The following JAK3 variants were observed in gnomAD, a reference collection of about 807,000 sequenced individuals.
JAK3 encodes the protein tyrosine-protein kinase JAK3.
In JAK3, 88 loss-of-function variants were observed where a neutral mutation model predicts 120.8. The observed-to-expected ratio is 0.73, with a 90% CI of 0.61 to 0.87. The LOEUF (loss-of-function observed/expected upper bound fraction) is 0.87. Ranked by LOEUF, JAK3 falls within the 40% of genes least tolerant of loss-of-function variation. The pLI is 0.00. For missense variants in JAK3, 1,254 were observed against 1,501.4 expected (o/e 0.84, Z 2.72); for synonymous variants, 592 against 628.6 (o/e 0.94, Z 0.87).
rs1156896790 is a variant in JAK3, at chr19:17,831,014, G to A, written c.2978+214C>T. Among the ~76,000 whole-genome samples, 1 of 150,786 alleles carries A rather than the reference G, an allele frequency of 6.6e-6. No individual in the cohort carries two copies. Among genetic ancestry groups the A allele is most frequent in the Non-Finnish European group, 1.5e-5 (1 of 67,612 alleles). On this transcript the variant is annotated intron_variant, in intron 21 of 23. Transcript: ENST00000458235. The surrounding 1 kb of genome is among the most constrained non-coding windows in gnomAD (Gnocchi z 5.1). ...AGAGCTGAGAGAAGGGCGGGGCTAA[G>A]GCTGGGGGCCGCTGACAGCAGGGCA...
At chr19:17,846,466 G>C (rs1008357638) in intron 1 of JAK3, among the ~76,000 whole-genome samples, 2 of 152,170 alleles carry the variant, frequency 1.3e-5, no homozygotes, top group African/African-American at 4.8e-5. Context: ...GGGAACCTTG[G>C]AGGAGCCCCA....
Position 17,831,700 on chromosome 19 carries a change from G to C in JAK3, c.2779C>G (p.Leu927Val). 2 of 1,610,114 alleles carry C rather than the reference G, an allele frequency of 1.2e-6. No homozygotes were observed. Among genetic ancestry groups the C allele is most frequent in the Non-Finnish European group, 1.7e-6 (2 of 1,178,838 alleles). Residue 927 changes from leucine (L) to valine (V), a missense_variant, in exon 20 of 24, where the codon CTT becomes GTT. By Grantham distance (32) the Leu-to-Val change is conservative. Transcript: ENST00000458235. This position sits in a 1 kb window ranked among gnomAD's most constrained non-coding sequence, Gnocchi z 5.1. Reference sequence around the variant, plus strand: ...TTGCAGATCTGCGAGGAATAGAGAAGGAGGCGGCTGGCATCGAGGCGCGCG... The same window carrying C: ...TTGCAGATCTGCGAGGAATAGAGAACGAGGCGGCTGGCATCGAGGCGCGCG... Reference protein sequence around the residue: ...HRARLDASRLLLYSSQICKGM... With the variant: ...HRARLDASRLVLYSSQICKGM...
Position 17,837,175 on chromosome 19 carries a change from C to T in JAK3, c.1740G>A (p.Ser580=), listed in dbSNP as rs143605793. 42 of 1,572,914 alleles carry T rather than the reference C, an allele frequency of 2.7e-5. No individual in the cohort carries two copies. The East Asian group carries it at 4.2e-4, about 16-fold the overall frequency. The change falls in exon 13 of 24, where the codon TCG becomes TCA. Residue 580 remains serine, a synonymous_variant. Coordinates refer to ENST00000458235, the MANE Select transcript of JAK3 (RefSeq NM_000215.4). ...CGTGGAGCAGCACGAGATGCCGGTA[C>T]GACACTTGGCTCATCAAGCTCGCTG... ...LEAASLMSQV[S]YRHLVLLHGV...
chr19:17,842,164 T>A lies in JAK3; in HGVS notation c.861+152A>T, dbSNP rs1475830289. Reference sequence around the variant, plus strand: ...GTTTGCCCCTCCCATTCCCGCAGTCTCCTCCCTCACTAAGCCCCGCCCCTC... The same window carrying A: ...GTTTGCCCCTCCCATTCCCGCAGTCACCTCCCTCACTAAGCCCCGCCCCTC... On this transcript the variant is annotated intron_variant, in intron 6 of 23. Transcript: ENST00000458235. This position sits in a 1 kb window ranked among gnomAD's most constrained non-coding sequence, Gnocchi z 6.4. 10 of 833,588 alleles carry A rather than the reference T, an allele frequency of 1.2e-5. No individual in the cohort carries two copies. Among genetic ancestry groups the A allele is most frequent in the Non-Finnish European group, 1.8e-5 (10 of 564,000 alleles). The allele number at this position is 833,588 out of a possible 1,614,324, so 51.6% of individuals were successfully genotyped here.
chr19:17,830,114 A>G lies in JAK3; in HGVS notation c.3201T>C (p.Pro1067=). Residue 1067 remains proline (P), a synonymous_variant, in exon 23 of 24, where the codon CCT becomes CCC. Coordinates refer to ENST00000458235, the MANE Select transcript of JAK3 (RefSeq NM_000215.4). The part of the protein sequence containing the change: ...GQRLPAPPAC[P]AEVHELMKLC... ...CTAGCCCTGCGGCGCTCACCTCAGC[A>G]GGGCAGGCAGGAGGCGCCGGCAGCC... 1.3e-6 allele frequency: 2 copies of G among 1,577,324 alleles called. No homozygotes were observed. The highest frequency in any genetic ancestry group is 8.6e-7 in the Non-Finnish European group (1 of 1,162,558).
rs529011549 is a variant in JAK3, at chr19:17,827,061, C to G, written c.3208-151G>C. 4 of 821,814 alleles carry G rather than the reference C, an allele frequency of 4.9e-6. No homozygotes were observed. The East Asian group carries it at 8.2e-5, about 17-fold the overall frequency. 50.9% of individuals were successfully genotyped at this position (821,814 alleles called of 1,614,324 possible). ...ATGGCATGATCTCGGCTCACTGCAA[C>G]CTCCGCCTCCCGGGTTCAAGCAATT... On this transcript the variant is annotated intron_variant, in intron 23 of 23. Coordinates refer to ENST00000458235, the MANE Select transcript of JAK3 (RefSeq NM_000215.4).
At position 17,834,984 on chromosome 19, in the gene JAK3, G is replaced by C; in HGVS notation, c.2067C>G (p.Pro689=). 1 of 1,614,180 alleles carries C rather than the reference G, an allele frequency of 6.2e-7. No individual in the cohort carries two copies. Among genetic ancestry groups the C allele is most frequent in the Non-Finnish European group, 8.5e-7 (1 of 1,180,036 alleles). ...CCCGGAGACACTCGGGGGCCACCCA[G>C]GGGATCCTGTCGGTGAGCACTGAGG... ...LSLEMLTDRI[P]WVAPECLREA... is the part of the protein sequence containing the mutation. Residue 689 remains proline (P), a synonymous_variant, in exon 16 of 24, where the codon CCC becomes CCG. Coordinates refer to ENST00000458235, the MANE Select transcript of JAK3 (RefSeq NM_000215.4).
At chr19:17,836,900 G>A in intron 13 of JAK3, 1 of 658,252 alleles carries the variant, frequency 1.5e-6, no homozygotes, top group Non-Finnish European at 2.8e-6. Flanking sequence ...AGAAAGCCAG[G>A]TTTGTCTGAC....
Position 17,832,752 on chromosome 19 carries a change from C to G in JAK3, c.2490+38G>C, listed in dbSNP as rs1243946064. 1.2e-6 allele frequency: 2 copies of G among 1,614,234 alleles called. No individual in the cohort carries two copies. The highest frequency in any genetic ancestry group is 1.7e-6 in the Non-Finnish European group (2 of 1,180,030). On this transcript the variant is annotated intron_variant, in intron 18 of 23. Transcript: ENST00000458235. This position sits in a 1 kb window ranked among gnomAD's most constrained non-coding sequence, Gnocchi z 4.7. ...GATGTCCAGGCACCTGGATGCTGCC[C>G]TGCCCTCTCCAACCCACCCTGGCCC...
In JAK3 at chr19:17,828,259, GTTTTGTTTT is replaced by G. The variant is rs1371123343; in HGVS notation, c.3208-1358_3208-1350del. Among the ~76,000 whole-genome samples, 4 of 146,192 alleles carry G rather than the reference GTTTTGTTTT, an allele frequency of 2.7e-5. No individual in the cohort carries two copies. In the South Asian group the frequency reaches 8.8e-4, roughly 32 times the overall value. On this transcript the variant is annotated intron_variant, in intron 23 of 23. Coordinates refer to ENST00000458235, the MANE Select transcript of JAK3 (RefSeq NM_000215.4). ...GTTTTGTTTTGTTTTGTTTTGTTTT[GTTTTGTTTT>G]GTTTTGAGACAGGGTGTCACTCTGT...
intron 1 of JAK3, among the ~76,000 whole-genome samples, chr19:17,846,451 G>A (rs1315625893): frequency 6.6e-6 from 1 of 152,182 alleles, no homozygotes; most frequent in Non-Finnish European, 1.5e-5. Context: ...CACATTCCTA[G>A]TCCCGGGAAC....
intron 1 of JAK3, among the ~76,000 whole-genome samples, chr19:17,847,043 A>C (rs910299919): frequency 6.6e-6 from 1 of 151,706 alleles, no homozygotes; most frequent in African/African-American, 2.4e-5. Context: ...AATTACAGGC[A>C]CCCGCCACCA....
At chr19:17,827,773 G>A (rs572824499) in intron 23 of JAK3, among the ~76,000 whole-genome samples, 1 of 135,038 alleles carries the variant, frequency 7.4e-6, no homozygotes, top group South Asian at 2.4e-4. Flanking sequence ...CAGGTGGCGT[G>A]TGCCTGTAAT....
rs114588340 is a variant in JAK3 at position 17,838,204 on chromosome 19, C to T, written c.1569+59G>A. On this transcript the variant is annotated intron_variant, in intron 11 of 23. Transcript: ENST00000458235. ...AAATTATAGCATATGCCTGAGGCCA[C>T]GCATCTGAGTCTCTGGACCCCAGAC... 525 of 1,611,526 alleles carry T rather than the reference C, an allele frequency of 3.3e-4. 1 individual carries two copies. The African/African-American group carries it at 6.4e-3, about 20-fold the overall frequency.
intron 23 of JAK3, chr19:17,829,669 G>A (rs897112018): frequency 7.9e-6 from 2 of 253,714 alleles, no homozygotes; most frequent in Non-Finnish European, 1.5e-5. Flanking sequence ...CTGAACTAGG[G>A]GAATCACTTG....
chr19:17,828,403 A>C (rs1343511027), intron 23 of JAK3, among the ~76,000 whole-genome samples: 2 of 151,910 alleles, frequency 1.3e-5, no homozygotes, highest in East Asian at 3.9e-4. Context: ...CCACAGGTGC[A>C]TGTCACCACA....
Position 17,832,751 on chromosome 19 carries a change from C to A in JAK3, c.2490+39G>T. 1 of 1,614,216 alleles carries A rather than the reference C, an allele frequency of 6.2e-7. No homozygotes were observed. The highest frequency in any genetic ancestry group is 8.5e-7 in the Non-Finnish European group (1 of 1,180,022). ...TGATGTCCAGGCACCTGGATGCTGC[C>A]CTGCCCTCTCCAACCCACCCTGGCC... On this transcript the variant is annotated intron_variant, in intron 18 of 23. Transcript: ENST00000458235. The surrounding 1 kb of genome is among the most constrained non-coding windows in gnomAD (Gnocchi z 4.7).
rs2147675527 is a variant in JAK3, at chr19:17,831,177, G to A, written c.2978+51C>T. ...AGGGGGCGGGGGCATGGCTGGGGGC[G>A]GAGCCAGAGCCGTGGGGAATAGGGG... On this transcript the variant is annotated intron_variant, in intron 21 of 23. Transcript: ENST00000458235. The surrounding 1 kb of genome is among the most constrained non-coding windows in gnomAD (Gnocchi z 5.1). 6.3e-7 allele frequency: 1 copy of A among 1,581,400 alleles called. No homozygotes were observed. Among genetic ancestry groups the A allele is most frequent in the Non-Finnish European group, 8.6e-7 (1 of 1,160,972 alleles).
At chr19:17,847,115 CT>C (rs1269903845) in intron 1 of JAK3, among the ~76,000 whole-genome samples, 1 of 152,178 alleles carries the variant, frequency 6.6e-6, no homozygotes, top group African/African-American at 2.4e-5. Flanking sequence ...CCAGGCTGAT[CT>C]CGAACTCCTG....
Sources: gnomAD v4.1 joint callset for allele counts (sites outside exome capture counted in the v4.1 genomes callset) on GRCh38, gnomAD v4.1.1 for gene constraint, Gnocchi (gnomAD v3.1) non-coding constraint, MANE v1.5 for transcripts, NCBI Gene and HGNC (gene_info 2026-07-23, HGNC 2026-07-21) for gene names.